The following ZNF121 variants were observed in gnomAD, a reference collection of about 807,000 sequenced individuals.
The protein encoded by ZNF121 is zinc finger protein 121 (clone ZHC32).
Under a neutral mutation model 2.4 loss-of-function variants are expected in ZNF121, and 1 was observed. The ratio of observed to expected loss-of-function variants is 0.41; its 90% CI spans 0.15 to 1.94. The LOEUF is 1.94. Among genes scored for constraint, ZNF121 ranks in the 30% most tolerant of loss-of-function variants. The pLI, the probability that ZNF121 is intolerant of heterozygous loss-of-function variation, is 0.30. For missense variants in ZNF121, 369 were observed against 466.3 expected (o/e 0.79, Z 1.92); for synonymous variants, 173 against 158.6 (o/e 1.09, Z -0.68).
chr19:9,574,084 C>T (rs916130251), intron 1 of ZNF121, among the ~76,000 whole-genome samples: 6 of 151,062 alleles, frequency 4.0e-5, no homozygotes, highest in South Asian at 2.1e-4. Context: ...GCTTGTTTCC[C>T]GGTGCCGTAA....
At chr19:9,569,815 G>C (rs2074159947) in intron 1 of ZNF121, among the ~76,000 whole-genome samples, 1 of 147,542 alleles carries the variant, frequency 6.8e-6, no homozygotes, top group Non-Finnish European at 1.5e-5. Context: ...TTGCAGGTGT[G>C]AGCCACCACG....
chr19:9,567,248 T>G, intron 3 of ZNF121, 139 bp from the exon 4 acceptor site: 1 of 722,026 alleles, frequency 1.4e-6, no homozygotes. Flanking sequence ...GCCCCATGTA[T>G]TTCTTACAAG....
Position 9,565,886 on chromosome 19 carries a change from T to A in ZNF121, c.*54A>T. 3.7e-6 allele frequency: 5 copies of A among 1,347,520 alleles called. No individual in the cohort carries two copies. Among genetic ancestry groups the A allele is most frequent in the Non-Finnish European group, 4.0e-6 (4 of 999,284 alleles). 83.5% of individuals were successfully genotyped at this position (1,347,520 alleles called of 1,614,324 possible). On this transcript the variant is annotated 3_prime_UTR_variant, in exon 4 of 4. Coordinates refer to ENST00000320451, the MANE Select transcript of ZNF121 (RefSeq NM_001008727.5). ...AGTGTGAATTCAAATGTGGTAATTATGGTATGAGAAATTCCTAAAAGATTT... is the reference window on the plus strand; with the variant it reads ...AGTGTGAATTCAAATGTGGTAATTAAGGTATGAGAAATTCCTAAAAGATTT...
At position 9,562,194 on chromosome 19, in the gene ZNF121, TCA is replaced by T. The variant is rs1264625037; in HGVS notation, c.*3744_*3745del. 2.8e-5 allele frequency: 4 copies of T among 140,480 alleles called. No homozygotes were observed. The highest frequency in any genetic ancestry group is 6.1e-5 in the Non-Finnish European group (4 of 65,858). The allele number at this position is 140,480 out of a possible 1,614,324, so 8.7% of individuals were successfully genotyped here. A position where few individuals can be genotyped will look rare whatever the true frequency, so the allele number is the denominator to read the frequency against. ...TTTTTTTTTTTTTTGAGAAGGAATCTCACTCTGTCACCTGGGCTGGAGTGCAG... is the reference window on the plus strand; with the variant it reads ...TTTTTTTTTTTTTTGAGAAGGAATCTCTCTGTCACCTGGGCTGGAGTGCAG... On this transcript the variant is annotated 3_prime_UTR_variant, in exon 4 of 4. Coordinates refer to ENST00000320451, the MANE Select transcript of ZNF121 (RefSeq NM_001008727.5).
At chr19:9,571,597 T>C (rs545916078) in intron 1 of ZNF121, among the ~76,000 whole-genome samples, 5 of 152,312 alleles carry the variant, frequency 3.3e-5, no homozygotes, top group African/African-American at 1.2e-4. Context: ...ACCAACAATG[T>C]ATCTTCATAA....
At chr19:9,580,360 A>G (rs2074240316) in intron 1 of ZNF121, among the ~76,000 whole-genome samples, 1 of 151,962 alleles carries the variant, frequency 6.6e-6, no homozygotes, top group South Asian at 2.1e-4. Flanking sequence ...ATTCCCTACA[A>G]AAAGACATTC....
intron 1 of ZNF121, among the ~76,000 whole-genome samples, chr19:9,582,953 C>T (rs1306980182): frequency 1.4e-5 from 1 of 70,696 alleles, no homozygotes; most frequent in Non-Finnish European, 2.6e-5. Context: ...CGGAGGCTCA[C>T]GCCTGTAATC....
intron 1 of ZNF121, among the ~76,000 whole-genome samples, chr19:9,571,849 G>C (rs893869521): frequency 6.6e-6 from 1 of 152,038 alleles, no homozygotes; most frequent in Non-Finnish European, 1.5e-5. Flanking sequence ...TCAAACTCCC[G>C]GGCTCAAGCA....
Position 9,566,881 on chromosome 19 carries a change from G to A in ZNF121, c.232C>T (p.His78Tyr), listed in dbSNP as rs751459507. The A allele has an allele frequency of 6.4e-5, 103 of 1,614,098 alleles. 1 individual carries two copies. Among genetic ancestry groups the A allele is most frequent in the Non-Finnish European group, 8.4e-5 (99 of 1,180,040 alleles). The stretch of plus-strand genomic sequence containing the variant: ...TTGTCTCCTATCCACGTTCTCTGGT[G>A]AACATTTGGTGGCAGGCTGAAGGCT... ...RKAFSLPPNV[H>Y]QRTWIGDKSF... Residue 78 changes from histidine (H) to tyrosine (Y), a missense_variant, in exon 4 of 4, where the codon CAC (histidine) becomes TAC (tyrosine). Physicochemically the swap from His to Tyr is moderately conservative, Grantham distance 83. Coordinates refer to ENST00000320451, the MANE Select transcript of ZNF121 (RefSeq NM_001008727.5).
intron 1 of ZNF121, among the ~76,000 whole-genome samples, chr19:9,582,891 C>T (rs2074257628): frequency 1.9e-5 from 1 of 52,550 alleles, no homozygotes; most frequent in African/African-American, 1.6e-4. Context: ...TACTTTATTA[C>T]ACTAATACTA....
At chr19:9,571,884 T>C (rs7258752) in intron 1 of ZNF121, among the ~76,000 whole-genome samples, 4,210 of 152,076 alleles carry the variant, frequency 0.028, 192 homozygotes, top group African/African-American at 0.097. Context: ...GCCTCCCGAG[T>C]ATGTGGGACT....
Position 9,560,487 on chromosome 19 carries a change from G to C in ZNF121, c.*5453C>G, listed in dbSNP as rs1163092184. 6.6e-6 allele frequency: 1 copy of C among 152,076 alleles called. No individual in the cohort carries two copies. The highest frequency in any genetic ancestry group is 2.4e-5 in the African/African-American group (1 of 41,408). The allele number at this position is 152,076 out of a possible 1,614,324, so 9.4% of individuals were successfully genotyped here. A position where few individuals can be genotyped will look rare whatever the true frequency, so the allele number is the denominator to read the frequency against. On this transcript the variant is annotated 3_prime_UTR_variant, in exon 4 of 4. Transcript: ENST00000320451. ...GCGTGGCTGACACTCAATACCCATT[G>C]AACAACTCATTTTCTCCTCCACCAG... is the stretch of plus-strand genomic sequence containing the variant.
chr19:9,570,938 T>C (rs747305896), intron 1 of ZNF121, among the ~76,000 whole-genome samples: 45 of 152,142 alleles, frequency 3.0e-4, no homozygotes, highest in Non-Finnish European at 6.3e-4. Flanking sequence ...ATCAAGAAGG[T>C]AGTATTTAAT....
In ZNF121 at chr19:9,562,901, A is replaced by G. The variant is rs908144614; in HGVS notation, c.*3039T>C. 1.3e-5 allele frequency: 2 copies of G among 150,454 alleles called. No homozygotes were observed. The highest frequency in any genetic ancestry group is 2.1e-4 in the South Asian group (1 of 4,770). The allele number at this position is 150,454 out of a possible 1,614,324, so 9.3% of individuals were successfully genotyped here. A position where few individuals can be genotyped will look rare whatever the true frequency, so the allele number is the denominator to read the frequency against. On this transcript the variant is annotated 3_prime_UTR_variant, in exon 4 of 4. Transcript: ENST00000320451. ...CCTGCCTCTTTAAAAAAAAAAAAAAAAAAAAAAAAAAATTAGCTGGCCATG... is the reference window on the plus strand; with the variant it reads ...CCTGCCTCTTTAAAAAAAAAAAAAAGAAAAAAAAAAAATTAGCTGGCCATG...
intron 1 of ZNF121, among the ~76,000 whole-genome samples, chr19:9,576,332 A>G (rs2074210008): frequency 7.0e-6 from 1 of 143,402 alleles, no homozygotes; most frequent in Admixed American, 6.9e-5. Context: ...TGTCCCTTCA[A>G]AAAAAAAAAA....
At chr19:9,583,780 C>A (rs1226629174) in intron 1 of ZNF121, among the ~76,000 whole-genome samples, 1 of 152,170 alleles carries the variant, frequency 6.6e-6, no homozygotes, top group Non-Finnish European at 1.5e-5. Flanking sequence ...GCTGGGACTA[C>A]AGGCGTGAGC....
chr19:9,571,890 G>T (rs1286976006), intron 1 of ZNF121, among the ~76,000 whole-genome samples: 1 of 151,914 alleles, frequency 6.6e-6, no homozygotes, highest in Admixed American at 6.6e-5. Flanking sequence ...CGAGTATGTG[G>T]GACTATAGGC....
At chr19:9,578,508 AGAT>A (rs1049374871) in intron 1 of ZNF121, among the ~76,000 whole-genome samples, 97 of 152,324 alleles carry the variant, frequency 6.4e-4, no homozygotes, top group African/African-American at 2.3e-3. Context: ...ACAAACACAT[AGAT>A]CTATGGAAGA....
chr19:9,583,706 T>A (rs985887376), intron 1 of ZNF121, among the ~76,000 whole-genome samples: 3 of 152,082 alleles, frequency 2.0e-5, no homozygotes, highest in Non-Finnish European at 2.9e-5. Flanking sequence ...GGTTTCACCA[T>A]GTTGGCCAGG....
Sources: gnomAD v4.1 joint callset for allele counts (sites outside exome capture counted in the v4.1 genomes callset) on GRCh38, gnomAD v4.1.1 for gene constraint, MANE v1.5 for transcripts, NCBI Gene and HGNC (gene_info 2026-07-23, HGNC 2026-07-21) for gene names.